The following LAX1 variants were observed in gnomAD, a reference collection of about 807,000 sequenced individuals.
LAX1 encodes the protein lymphocyte transmembrane adaptor 1.
Under a neutral mutation model 20.7 loss-of-function variants are expected in LAX1, and 17 were observed. That is an observed-to-expected ratio of 0.82 (90% confidence interval 0.56 to 1.23). The LOEUF (loss-of-function observed/expected upper bound fraction) is 1.23. Among genes scored for constraint, LAX1 ranks in the 50% most tolerant of loss-of-function variants. The pLI is 0.00. For synonymous variants in LAX1, 165 were observed against 181.0 expected (o/e 0.91, Z 0.71); for missense variants, 470 against 487.0 (o/e 0.97, Z 0.33).
intron 4 of LAX1, 41 bp from the exon 5 acceptor site, chr1:203,773,834 C>A: frequency 1.2e-6 from 1 of 825,820 alleles, no homozygotes. Flanking sequence ...GTCCATATTT[C>A]TGCTTGCATC....
Position 203,772,080 on chromosome 1 carries a change from C to T in LAX1, c.323C>T (p.Ser108Leu), listed in dbSNP as rs144459156. 8 of 1,613,728 alleles carry T rather than the reference C, an allele frequency of 5.0e-6. No homozygotes were observed. Among genetic ancestry groups the T allele is most frequent in the East Asian group, 2.2e-5 (1 of 44,880 alleles). The change falls in exon 4 of 5, where the codon TCG (serine) becomes TTG (leucine). Residue 108 changes from serine (S) to leucine (L), a missense_variant. Transcript: ENST00000442561. ...TCTGTCCTTTCAGGGAGACATGAGT[C>T]GAGGAGTATGCGCATTTTCAGTACT... The part of the protein sequence containing the change: ...WRQEDLGRHE[S>L]RSMRIFSTES...
chr1:203,765,243 G>T lies in LAX1; in HGVS notation c.-323G>T. 1 of 1,065,594 alleles carries T rather than the reference G, an allele frequency of 9.4e-7. No individual in the cohort carries two copies. Among genetic ancestry groups the T allele is most frequent in the Non-Finnish European group, 1.4e-6 (1 of 710,356 alleles). 66.0% of individuals were successfully genotyped at this position (1,065,594 alleles called of 1,614,324 possible). Reference sequence around the variant, plus strand: ...CACGGAGCCTCTCTTGAGCCTCTTGGCAGTTTCCCCCTCTGTGCCCCTCAC... The same window carrying T: ...CACGGAGCCTCTCTTGAGCCTCTTGTCAGTTTCCCCCTCTGTGCCCCTCAC... On this transcript the variant is annotated 5_prime_UTR_variant, in exon 1 of 5. Coordinates refer to ENST00000442561, the MANE Select transcript of LAX1 (RefSeq NM_017773.4).
chr1:203,769,444 G>GAAAGAAAGGAA lies in LAX1; in HGVS notation c.90-1384_90-1383insAAAGAAAGGAA, dbSNP rs1553254225. Among the ~76,000 whole-genome samples the GAAAGAAAGGAA allele has an allele frequency of 9.9e-3, 1,322 of 133,572 alleles. 34 individuals carry two copies. The highest frequency in any genetic ancestry group is 0.02 in the South Asian group (78 of 3,994). The allele number at this position is 133,572 out of a possible 152,430, so 87.6% of individuals were successfully genotyped here. A position where few individuals can be genotyped will look rare whatever the true frequency, so the allele number is the denominator to read the frequency against. On this transcript the variant is annotated intron_variant, in intron 1 of 4. Coordinates refer to ENST00000442561, the MANE Select transcript of LAX1 (RefSeq NM_017773.4). ...AAGAAAGAAAGAAAGAAAGAAAGAA[G>GAAAGAAAGGAA]GAAAGAAAGAAAAGAAAAGAAAGAA...
intron 1 of LAX1, among the ~76,000 whole-genome samples, chr1:203,769,370 C>T (rs569098059): frequency 8.0e-5 from 11 of 137,978 alleles, no homozygotes; most frequent in South Asian, 2.3e-4. Flanking sequence ...CCAGCCTGAG[C>T]GACACAGCGA....
chr1:203,769,391 CAAAA>C (rs1211514744), intron 1 of LAX1, among the ~76,000 whole-genome samples: 7 of 65,282 alleles, frequency 1.1e-4, no homozygotes, highest in Middle Eastern at 7.1e-3. Flanking sequence ...GACTCTGTCT[CAAAA>C]AAAAAGAAAG....
At position 203,774,778 on chromosome 1, in the gene LAX1, T is replaced by G; in HGVS notation, c.*97T>G. ...TGCAGACCCGTGATCACCTTAGTGC[T>G]TCAGTGGATTCACTGGTTAGATTAA... On this transcript the variant is annotated 3_prime_UTR_variant, in exon 5 of 5. Transcript: ENST00000442561. The G allele has an allele frequency of 1.1e-6, 1 of 934,084 alleles. No individual in the cohort carries two copies. Among genetic ancestry groups the G allele is most frequent in the South Asian group, 1.7e-5 (1 of 58,428 alleles). The allele number at this position is 934,084 out of a possible 1,614,324, so 57.9% of individuals were successfully genotyped here.
intron 1 of LAX1, 51 bp from the exon 2 acceptor site, chr1:203,770,777 A>G: frequency 7.0e-7 from 1 of 1,436,804 alleles, no homozygotes; most frequent in Non-Finnish European, 9.8e-7. Flanking sequence ...TGTCTCCTCC[A>G]GCCTCTCCAC....
chr1:203,765,432 G>A lies in LAX1; in HGVS notation c.-134G>A, dbSNP rs755890028. ...GTATGTTGGGTCAACTTGGCCTGAC[G>A]TTTCAGAGGTAGACACGAGATAGGG... is the stretch of plus-strand genomic sequence containing the variant. On this transcript the variant is annotated 5_prime_UTR_variant, in exon 1 of 5. Coordinates refer to ENST00000442561, the MANE Select transcript of LAX1 (RefSeq NM_017773.4). 10 of 1,553,554 alleles carry A rather than the reference G, an allele frequency of 6.4e-6. No homozygotes were observed. The African/African-American group carries it at 6.8e-5, about 11-fold the overall frequency.
intron 1 of LAX1, 55 bp from the exon 2 acceptor site, chr1:203,770,773 C>T: frequency 2.1e-6 from 3 of 1,410,302 alleles, no homozygotes; most frequent in Admixed American, 3.4e-5. Context: ...GAAATGTCTC[C>T]TCCAGCCTCT....
intron 1 of LAX1, among the ~76,000 whole-genome samples, chr1:203,766,399 C>T (rs1196096899): frequency 6.6e-6 from 1 of 152,150 alleles, no homozygotes; most frequent in African/African-American, 2.4e-5. Context: ...GCAGGAGAAT[C>T]ACTTGAACCC....
At chr1:203,769,601 A>G (rs1667368881) in intron 1 of LAX1, 1 of 152,122 alleles carries the variant, frequency 6.6e-6, no homozygotes, top group Non-Finnish European at 1.5e-5. Context: ...TTCCTGTTGC[A>G]TTAGGCATAG....
rs1558071073 is a variant in LAX1 at position 203,770,779 on chromosome 1, CCT to C, written c.90-45_90-44del. 2.1e-6 allele frequency: 3 copies of C among 1,443,774 alleles called. No individual in the cohort carries two copies. The African/African-American group carries it at 4.2e-5, about 20-fold the overall frequency. 89.4% of individuals were successfully genotyped at this position (1,443,774 alleles called of 1,614,324 possible). A position where few individuals can be genotyped will look rare whatever the true frequency, so the allele number is the denominator to read the frequency against. On this transcript the variant is annotated intron_variant, in intron 1 of 4. Coordinates refer to ENST00000442561, the MANE Select transcript of LAX1 (RefSeq NM_017773.4). ...CTCCAAAAGGAAATGTCTCCTCCAG[CCT>C]CTCCACCCTCCTACAGCTAGCACAT...
chr1:203,773,660 A>G (rs943089419), intron 4 of LAX1, among the ~76,000 whole-genome samples: 1 of 150,460 alleles, frequency 6.6e-6, no homozygotes, highest in Admixed American at 6.7e-5. Context: ...TCAGTTGATA[A>G]TATTTTCGTC....
chr1:203,770,725 G>A (rs879039411), intron 1 of LAX1, 103 bp from the exon 2 acceptor site: 9 of 896,774 alleles, frequency 1.0e-5, no homozygotes, highest in Admixed American at 1.9e-5. Flanking sequence ...TCCTTCACTC[G>A]GCTCCCATTC....
chr1:203,770,433 A>AAGAGAGAGAGAGAGAGAGAGAG lies in LAX1; in HGVS notation c.90-374_90-373insGAGAGAGAGAGAGAGAGAGAGA, dbSNP rs72071580. Among the ~76,000 whole-genome samples the AAGAGAGAGAGAGAGAGAGAGAG allele has an allele frequency of 2.9e-4, 13 of 44,920 alleles. 1 individual carries two copies. In the East Asian group the frequency reaches 3.2e-3, roughly 11 times the overall value. 29.5% of individuals were successfully genotyped at this position (44,920 alleles called of 152,430 possible). Reference sequence around the variant, plus strand: ...TCCATCAAAAAGAAAGAAAGAAAGAAAGAGAGAGAGAGAGAGAGAGAAAGG... The same window carrying AAGAGAGAGAGAGAGAGAGAGAG: ...TCCATCAAAAAGAAAGAAAGAAAGAAAGAGAGAGAGAGAGAGAGAGAGAGAGAGAGAGAGAGAGAGAGAAAGG... On this transcript the variant is annotated intron_variant, in intron 1 of 4. Transcript: ENST00000442561.
chr1:203,774,362 A>G lies in LAX1; in HGVS notation c.878A>G (p.Asp293Gly), dbSNP rs542335047. ...QLWVAFQCCR[D>G]YENVPAADPS... The stretch of plus-strand genomic sequence containing the variant: ...TGGGTGGCTTTTCAGTGCTGCAGAG[A>G]CTATGAAAATGTTCCAGCAGCAGAT... Residue 293 changes from aspartate (D) to glycine (G), a missense_variant, in exon 5 of 5, where the codon GAC becomes GGC. Asp to Gly is a moderately conservative substitution (Grantham distance 94). Transcript: ENST00000442561. 2.1e-4 allele frequency: 343 copies of G among 1,614,162 alleles called. 3 individuals are homozygous for G. The Admixed American group carries it at 4.8e-3, about 23-fold the overall frequency.
chr1:203,775,829 A>G lies in LAX1; in HGVS notation c.*1148A>G, dbSNP rs1332966297. On this transcript the variant is annotated 3_prime_UTR_variant, in exon 5 of 5. Transcript: ENST00000442561. ...AAAGAAGCTAGGCCTAAAAGTCTAC[A>G]TGTTGGGCGATTCTATTTATATGAC... The G allele has an allele frequency of 6.6e-6, 1 of 152,202 alleles. No homozygotes were observed. Among genetic ancestry groups the G allele is most frequent in the African/African-American group, 2.4e-5 (1 of 41,448 alleles). 9.4% of individuals were successfully genotyped at this position (152,202 alleles called of 1,614,324 possible).
intron 4 of LAX1, among the ~76,000 whole-genome samples, chr1:203,772,421 TA>T (rs1286031904): frequency 6.6e-6 from 1 of 150,994 alleles, no homozygotes; most frequent in Non-Finnish European, 1.5e-5. Flanking sequence ...TTGATTGGTA[TA>T]TTTTTTTTTC....
Position 203,774,076 on chromosome 1 carries a change from A to G in LAX1, c.592A>G (p.Thr198Ala), listed in dbSNP as rs1216295722. Residue 198 changes from threonine (T) to alanine (A), a missense_variant, in exon 5 of 5, where the codon ACA becomes GCA. Physicochemically the swap from Thr to Ala is moderately conservative, Grantham distance 58 (BLOSUM62 0). Coordinates refer to ENST00000442561, the MANE Select transcript of LAX1 (RefSeq NM_017773.4). ...EDSHDYVNVP[T>A]AEEIAETLAS... ...TTCGCATGATTATGTCAATGTCCCCACAGCAGAAGAGATTGCTGAGACTCT... is the reference window on the plus strand; with the variant it reads ...TTCGCATGATTATGTCAATGTCCCCGCAGCAGAAGAGATTGCTGAGACTCT... 1 of 1,614,162 alleles carries G rather than the reference A, an allele frequency of 6.2e-7. No individual in the cohort carries two copies. The highest frequency in any genetic ancestry group is 8.5e-7 in the Non-Finnish European group (1 of 1,180,018).
Sources: allele counts gnomAD v4.1 joint callset (sites outside exome capture counted in the v4.1 genomes callset), GRCh38; gene constraint gnomAD v4.1.1; transcripts MANE v1.5; gene names NCBI Gene and HGNC (gene_info 2026-07-23, HGNC 2026-07-21).